Variants in DNAJA2 observed in about 807,000 individuals in gnomAD.
DNAJA2 encodes the protein dnaJ homolog subfamily A member 2.
In DNAJA2, 6 loss-of-function variants were observed where a neutral mutation model predicts 49.3. The observed-to-expected ratio is 0.12, with a 90% CI of 0.07 to 0.24. The LOEUF (loss-of-function observed/expected upper bound fraction) is 0.24, where lower values mean the gene tolerates loss of function less well. Ranked by LOEUF, DNAJA2 falls within the 10% of genes least tolerant of loss-of-function variation. The pLI is 1.00. For synonymous variants in DNAJA2, 160 were observed against 172.7 expected (o/e 0.93, Z 0.58); for missense variants, 347 against 516.8 (o/e 0.67, Z 3.19).
At chr16:46,973,255 G>A (rs1014384860) in intron 1 of DNAJA2, among the ~76,000 whole-genome samples, 4 of 151,924 alleles carry the variant, frequency 2.6e-5, no homozygotes, top group African/African-American at 4.8e-5. Flanking sequence ...GTTTGCGCAG[G>A]AGTGAGTTTT....
rs138847523 is a variant in DNAJA2, at chr16:46,962,334, T to C, written c.774+2277A>G. ...ATGCAGCAACATTAAAAACTAAACT[T>C]AGGGATAAAAAAGGTTTTACCATCA... On this transcript the variant is annotated intron_variant, in intron 6 of 8. Coordinates refer to ENST00000317089, the MANE Select transcript of DNAJA2 (RefSeq NM_005880.4). 3.2e-3 allele frequency among the ~76,000 whole-genome samples: 492 copies of C among 152,230 alleles called. 2 individuals are homozygous for C. The highest frequency in any genetic ancestry group is 0.011 in the African/African-American group (469 of 41,540).
chr16:46,959,824 G>A (rs907551861), intron 6 of DNAJA2, among the ~76,000 whole-genome samples: 1 of 152,086 alleles, frequency 6.6e-6, no homozygotes, highest in African/African-American at 2.4e-5. Flanking sequence ...AAGGGGGGAG[G>A]GTCCAAGATC....
intron 3 of DNAJA2, among the ~76,000 whole-genome samples, chr16:46,970,895 G>A (rs1417346509): frequency 6.6e-6 from 1 of 151,188 alleles, no homozygotes; most frequent in South Asian, 2.1e-4. Context: ...AAAATTAGCC[G>A]GGTGTGTTGG....
chr16:46,956,330 C>T lies in DNAJA2; in HGVS notation c.*699G>A, dbSNP rs1961809962. ...TTTATGGGCTGTTTAAGAACCAGTACTAAGGATACATTCTTTTATGTTTTT... is the reference window on the plus strand; with the variant it reads ...TTTATGGGCTGTTTAAGAACCAGTATTAAGGATACATTCTTTTATGTTTTT... On this transcript the variant is annotated 3_prime_UTR_variant, in exon 9 of 9. Transcript: ENST00000317089. 1.3e-5 allele frequency: 2 copies of T among 151,216 alleles called. No homozygotes were observed. The highest frequency in any genetic ancestry group is 4.2e-4 in the South Asian group (2 of 4,814). 9.4% of individuals were successfully genotyped at this position (151,216 alleles called of 1,614,324 possible).
intron 1 of DNAJA2, chr16:46,972,659 T>C (rs1962071075): frequency 6.6e-6 from 1 of 152,258 alleles, no homozygotes; most frequent in Admixed American, 6.5e-5. Context: ...CTAAGGAGCA[T>C]TCTCATTTTT....
At chr16:46,961,012 C>CATA (rs1201832914) in intron 6 of DNAJA2, among the ~76,000 whole-genome samples, 3 of 149,548 alleles carry the variant, frequency 2.0e-5, no homozygotes, top group African/African-American at 7.4e-5. Context: ...GTCTCTTAAA[C>CATA]ATAATAATAA....
Position 46,959,267 on chromosome 16 carries a change from A to T in DNAJA2, c.919+8T>A, listed in dbSNP as rs761624293. Reference sequence around the variant, plus strand: ...TGAAAACCAGAATCGGACAAAATCAAGATTTACCTGGTTCAATTACTTTGC... The same window carrying T: ...TGAAAACCAGAATCGGACAAAATCATGATTTACCTGGTTCAATTACTTTGC... On this transcript the variant is annotated splice_region_variant and intron_variant, in intron 7 of 8. Coordinates refer to ENST00000317089, the MANE Select transcript of DNAJA2 (RefSeq NM_005880.4). The T allele has an allele frequency of 6.2e-6, 10 of 1,604,246 alleles. No individual in the cohort carries two copies. The African/African-American group carries it at 1.3e-4, about 22-fold the overall frequency.
Position 46,956,922 on chromosome 16 carries a change from G to A in DNAJA2, c.*107C>T, listed in dbSNP as rs1961823465. On this transcript the variant is annotated 3_prime_UTR_variant, in exon 9 of 9. Transcript: ENST00000317089. ...TTTAAAAGTTATACATAGACCAACA[G>A]ATGTCCCTCAGTTCATCTGGATTGA... 1 of 1,242,790 alleles carries A rather than the reference G, an allele frequency of 8.0e-7. No individual in the cohort carries two copies. The highest frequency in any genetic ancestry group is 1.2e-5 in the South Asian group (1 of 80,474). 77.0% of individuals were successfully genotyped at this position (1,242,790 alleles called of 1,614,324 possible). A position where few individuals can be genotyped will look rare whatever the true frequency, so the allele number is the denominator to read the frequency against.
At position 46,971,905 on chromosome 16, in the gene DNAJA2, T is replaced by G. The variant is rs747541274; in HGVS notation, c.129A>C (p.Ala43=). 2.9e-5 allele frequency: 46 copies of G among 1,612,322 alleles called. No homozygotes were observed. Among genetic ancestry groups the G allele is most frequent in the African/African-American group, 1.9e-4 (14 of 74,898 alleles). ...GGTGCAAATAACTTACTTTGTCTCC[T>G]GCATTTGGATTCTTATCAGGATGAT... ...KEYHPDKNPN[A]GDKFKEISFA... is the part of the protein sequence containing the mutation. The change falls in exon 2 of 9, where the codon GCA becomes GCC. Residue 43 remains alanine (A), a synonymous_variant. Transcript: ENST00000317089.
In DNAJA2 at chr16:46,964,750, T is replaced by TTAA; in HGVS notation, c.632_634dup (p.Ile211dup). The TTAA allele has an allele frequency of 6.2e-7, 1 of 1,614,172 alleles. No homozygotes were observed. The highest frequency in any genetic ancestry group is 1.1e-5 in the South Asian group (1 of 91,088). On this transcript the variant is annotated inframe_insertion, in exon 6 of 9. Transcript: ENST00000317089. ...GTGGACTTCAAGAATCTTGACTTCT[T>TTAA]TAATCACCTTCTTCCCTTCACATTT...
rs181487698 is a variant in DNAJA2 at position 46,963,770 on chromosome 16, A to T, written c.774+841T>A. Among the ~76,000 whole-genome samples the T allele has an allele frequency of 4.2e-3, 640 of 152,078 alleles. 6 individuals carry two copies. The East Asian group carries it at 0.062, about 15-fold the overall frequency. ...AAGCTTCTAAAAAAATATTTTTTTT[A>T]AAAAAAATCCCAGAACCCTTTCAAG... On this transcript the variant is annotated intron_variant, in intron 6 of 8. Coordinates refer to ENST00000317089, the MANE Select transcript of DNAJA2 (RefSeq NM_005880.4).
rs756336225 is a variant in DNAJA2 at position 46,957,178 on chromosome 16, T to C, written c.1090A>G (p.Ile364Val). ...TCTACCTCCTCTGTTTCTCCAATTA[T>C]GTTAGGAACTTCCGGTCTAGATGGC... Reference protein sequence around the residue: ...LLPSRPEVPNIIGETEEVELQ... With the variant: ...LLPSRPEVPNVIGETEEVELQ... Residue 364 changes from isoleucine to valine, a missense_variant, in exon 9 of 9, where the codon ATA becomes GTA. By Grantham distance (29) the Ile-to-Val change is conservative. Transcript: ENST00000317089. 2 of 1,613,438 alleles carry C rather than the reference T, an allele frequency of 1.2e-6. No individual in the cohort carries two copies. Among genetic ancestry groups the C allele is most frequent in the South Asian group, 1.1e-5 (1 of 90,946 alleles).
At position 46,971,520 on chromosome 16, in the gene DNAJA2, T is replaced by C; in HGVS notation, c.191A>G (p.Glu64Gly). The change falls in exon 3 of 9, where the codon GAG becomes GGG. Residue 64 changes from glutamate to glycine, a missense_variant. Physicochemically the swap from Glu to Gly is moderately conservative, Grantham distance 98 (BLOSUM62 -2). Coordinates refer to ENST00000317089, the MANE Select transcript of DNAJA2 (RefSeq NM_005880.4). ...TTGCTCTCCGTATCTGTCATATAAC[T>C]CACGCTTCTCAGGATTTGATAGTAC... ...YEVLSNPEKR[E>G]LYDRYGEQGL... 6.2e-7 allele frequency: 1 copy of C among 1,610,384 alleles called. No individual in the cohort carries two copies. Among genetic ancestry groups the C allele is most frequent in the Non-Finnish European group, 8.5e-7 (1 of 1,178,952 alleles).
At chr16:46,964,099 C>T (rs1325221961) in intron 6 of DNAJA2, among the ~76,000 whole-genome samples, 5 of 152,134 alleles carry the variant, frequency 3.3e-5, no homozygotes, top group East Asian at 1.9e-4. Flanking sequence ...CAAGGCCAGG[C>T]GCGGTGGCTC....
intron 3 of DNAJA2, among the ~76,000 whole-genome samples, chr16:46,969,251 A>G (rs1962013643): frequency 6.6e-6 from 1 of 152,228 alleles, no homozygotes; most frequent in South Asian, 2.1e-4. Flanking sequence ...TAAAATTGTT[A>G]TTCTCAGAAA....
chr16:46,958,956 A>G, intron 8 of DNAJA2, 47 bp downstream of exon 8: 1 of 1,551,932 alleles, frequency 6.4e-7, no homozygotes, highest in Non-Finnish European at 8.7e-7. Flanking sequence ...CAAAAACCGA[A>G]CTCCAAACTT....
chr16:46,971,983 G>A (rs772049552), intron 1 of DNAJA2, 28 bp from the exon 2 acceptor site: 3 of 1,527,172 alleles, frequency 2.0e-6, no homozygotes, highest in Middle Eastern at 1.7e-4. Context: ...AACAAAAAAG[G>A]TTATAACTAA....
chr16:46,969,362 C>T (rs1329928068), intron 3 of DNAJA2, among the ~76,000 whole-genome samples: 2 of 152,172 alleles, frequency 1.3e-5, no homozygotes, highest in African/African-American at 4.8e-5. Flanking sequence ...AGCTTTAGAC[C>T]AAAACGCTTG....
Position 46,973,495 on chromosome 16 carries a change from C to T in DNAJA2, c.78G>A (p.Lys26=). The stretch of plus-strand genomic sequence containing the variant: ...ACCCGCCCGGCCCGCTCCCAGATAC[C>T]TTCTTCAGCTCGTTCTCGCTGGCGC... ...PPGASENELK[K]AYRKLAKEYH... Residue 26 remains lysine (K), a splice_region_variant and synonymous_variant, in exon 1 of 9, where the codon AAG becomes AAA. Transcript: ENST00000317089. The T allele has an allele frequency of 6.2e-7, 1 of 1,601,210 alleles. No individual in the cohort carries two copies. Among genetic ancestry groups the T allele is most frequent in the Non-Finnish European group, 8.5e-7 (1 of 1,176,802 alleles).
Sources: gnomAD v4.1 joint callset for allele counts (sites outside exome capture counted in the v4.1 genomes callset) on GRCh38, gnomAD v4.1.1 for gene constraint, MANE v1.5 for transcripts, NCBI Gene and HGNC (gene_info 2026-07-23, HGNC 2026-07-21) for gene names.